Variants in LANCL2 observed in about 807,000 individuals in gnomAD.
LANCL2 encodes lanC-like protein 2.
LANCL2 carries 33 observed loss-of-function variants against 56.9 expected under a neutral mutation model. The ratio of observed to expected loss-of-function variants is 0.58; its 90% confidence interval spans 0.44 to 0.78. The LOEUF is 0.78. Ranked by LOEUF, LANCL2 falls within the 30% of genes least tolerant of loss-of-function variation. LANCL2 has a pLI of 0.00. For missense variants in LANCL2, 562 were observed against 580.2 expected (o/e 0.97, Z 0.32); for synonymous variants, 233 against 228.2 (o/e 1.02, Z -0.19).
chr7:55,418,830 G>A (rs1221570313), intron 6 of LANCL2, among the ~76,000 whole-genome samples: 6 of 152,058 alleles, frequency 3.9e-5, no homozygotes, highest in Non-Finnish European at 8.8e-5. Flanking sequence ...ATCATGAAGG[G>A]ATGTTGAATT....
chr7:55,369,340 C>T (rs1276353593), intron 1 of LANCL2, among the ~76,000 whole-genome samples: 2 of 152,180 alleles, frequency 1.3e-5, no homozygotes, highest in Non-Finnish European at 2.9e-5. Flanking sequence ...CATTTTATTA[C>T]TAAGTATTCT....
At chr7:55,366,295 C>T (rs1789866989) in intron 1 of LANCL2, 66 bp downstream of exon 1, 2 of 1,343,300 alleles carry the variant, frequency 1.5e-6, no homozygotes, top group Middle Eastern at 2.7e-4. Flanking sequence ...GTCCACCTTC[C>T]GCCAGGCGTG....
chr7:55,400,164 T>A (rs1342770961), intron 4 of LANCL2, 60 bp downstream of exon 4: 7 of 1,362,558 alleles, frequency 5.1e-6, no homozygotes, highest in Non-Finnish European at 6.9e-6. Context: ...TTGCTAGCAT[T>A]GAGTTGTATT....
chr7:55,379,136 C>T (rs1022185694), intron 1 of LANCL2, among the ~76,000 whole-genome samples: 8 of 149,232 alleles, frequency 5.4e-5, no homozygotes, highest in African/African-American at 1.8e-4. Context: ...GGTGACAGAG[C>T]GAGACTACGT....
At chr7:55,397,758 A>C (rs1790272315) in intron 2 of LANCL2, among the ~76,000 whole-genome samples, 1 of 146,486 alleles carries the variant, frequency 6.8e-6, no homozygotes, top group African/African-American at 2.5e-5. Context: ...TTCTTTGGAG[A>C]TTCTCAGATT....
chr7:55,410,789 A>G (rs1024423994), intron 5 of LANCL2, among the ~76,000 whole-genome samples: 1 of 152,072 alleles, frequency 6.6e-6, no homozygotes, highest in South Asian at 2.1e-4. Flanking sequence ...CTGTCACTCT[A>G]AAGATGTCGT....
chr7:55,399,761 T>A (rs897105080), intron 3 of LANCL2, among the ~76,000 whole-genome samples, 196 bp from the exon 4 acceptor site: 5 of 152,238 alleles, frequency 3.3e-5, no homozygotes, highest in African/African-American at 1.2e-4. Context: ...TGTTTTGTTT[T>A]TAATTTTGAC....
intron 6 of LANCL2, among the ~76,000 whole-genome samples, chr7:55,421,075 T>C (rs1790602827): frequency 6.6e-6 from 1 of 152,208 alleles, no homozygotes; most frequent in African/African-American, 2.4e-5. Context: ...TAATTACTGT[T>C]TGCATGACAC....
intron 5 of LANCL2, among the ~76,000 whole-genome samples, chr7:55,410,797 C>T (rs907291815): frequency 1.3e-5 from 2 of 151,900 alleles, no homozygotes; most frequent in East Asian, 1.9e-4. Flanking sequence ...CTAAAGATGT[C>T]GTGTGTTGTG....
At chr7:55,396,150 C>T (rs1414246134) in intron 2 of LANCL2, among the ~76,000 whole-genome samples, 1 of 152,162 alleles carries the variant, frequency 6.6e-6, no homozygotes, top group Non-Finnish European at 1.5e-5. Flanking sequence ...ATTGTGGGGG[C>T]TCAGTGTGGG....
intron 1 of LANCL2, among the ~76,000 whole-genome samples, chr7:55,389,905 G>C (rs1322655099): frequency 6.6e-6 from 1 of 152,204 alleles, no homozygotes; most frequent in Middle Eastern, 3.2e-3. Context: ...ATTGTCTTCA[G>C]TTTTACAAGT....
intron 1 of LANCL2, among the ~76,000 whole-genome samples, chr7:55,371,913 G>C (rs1386319788): frequency 6.6e-6 from 1 of 152,050 alleles, no homozygotes; most frequent in East Asian, 1.9e-4. Context: ...ACTAAATTGT[G>C]TGTGTGTGTG....
intron 1 of LANCL2, among the ~76,000 whole-genome samples, chr7:55,371,986 A>T (rs1227201961): frequency 6.6e-6 from 1 of 152,126 alleles, no homozygotes; most frequent in African/African-American, 2.4e-5. Flanking sequence ...TTGTGGACCT[A>T]AATCATAAGC....
intron 6 of LANCL2, among the ~76,000 whole-genome samples, chr7:55,412,569 T>C (rs914898925): frequency 4.6e-5 from 7 of 152,216 alleles, no homozygotes; most frequent in African/African-American, 1.7e-4. Context: ...ACGTCTGGGG[T>C]ACTATAGGAA....
intron 1 of LANCL2, among the ~76,000 whole-genome samples, chr7:55,386,418 TG>T (rs1263706198): frequency 6.6e-6 from 1 of 152,194 alleles, no homozygotes; most frequent in African/African-American, 2.4e-5. Flanking sequence ...TCCCTCTGTT[TG>T]GGGGTCCCTG....
chr7:55,366,542 G>C (rs1789873187), intron 1 of LANCL2, among the ~76,000 whole-genome samples: 2 of 152,108 alleles, frequency 1.3e-5, no homozygotes, highest in African/African-American at 4.8e-5. Flanking sequence ...GAGGCCCGCG[G>C]ACACCTCCCG....
At chr7:55,395,433 TAAGAA>T (rs1328040825) in intron 2 of LANCL2, among the ~76,000 whole-genome samples, 1 of 151,780 alleles carries the variant, frequency 6.6e-6, no homozygotes, top group African/African-American at 2.4e-5. Context: ...ATTGACAGAC[TAAGAA>T]AAGAAATTTA....
At chr7:55,429,968 G>A (rs916799190) in intron 8 of LANCL2, among the ~76,000 whole-genome samples, 1 of 152,250 alleles carries the variant, frequency 6.6e-6, no homozygotes, top group African/African-American at 2.4e-5. Flanking sequence ...CCGGCTGGAG[G>A]AGCCACTGGG....
At chr7:55,424,098 G>A (rs542517667) in intron 6 of LANCL2, among the ~76,000 whole-genome samples, 12 of 152,160 alleles carry the variant, frequency 7.9e-5, no homozygotes, top group Non-Finnish European at 1.6e-4. Flanking sequence ...GATGACCTTT[G>A]TGCCTCTGAT....
Sources: gnomAD v4.1 joint callset for allele counts (sites outside exome capture counted in the v4.1 genomes callset) on GRCh38, gnomAD v4.1.1 for gene constraint, MANE v1.5 for transcripts, NCBI Gene and HGNC (gene_info 2026-07-23, HGNC 2026-07-21) for gene names.